NEO1: variants seen among roughly 807,000 people sequenced by gnomAD.
The protein encoded by NEO1 is neogenin.
A neutral mutation model predicts 159.7 loss-of-function variants in NEO1; 63 were observed. That is an observed-to-expected ratio of 0.39 (90% confidence interval 0.32 to 0.49). NEO1 has a LOEUF of 0.49. Among genes scored for constraint, NEO1 ranks in the 20% least tolerant of loss-of-function variants. The pLI is 0.85. For synonymous variants in NEO1, 633 were observed against 662.0 expected, an observed-to-expected ratio of 0.96 and a Z score of 0.67; for missense variants, 1,615 against 1,831.0, an observed-to-expected ratio of 0.88 and a Z score of 2.15.
At chr15:73,110,155 A>G (rs1434133578) in intron 1 of NEO1, among the ~76,000 whole-genome samples, 1 of 152,194 alleles carries the variant, frequency 6.6e-6, no homozygotes, top group Non-Finnish European at 1.5e-5. Context: ...AAGAATCAAG[A>G]TGGATGAAAT....
At position 73,274,772 on chromosome 15, in the gene NEO1, A is replaced by G. The variant is rs182471534; in HGVS notation, c.3193+48A>G. ...TTTTCTTTCCTTTCTTTTGTGACCT[A>G]TTATTAGCTTTTGGTTTTTGTTTCT... On this transcript the variant is annotated intron_variant, in intron 21 of 28. Coordinates refer to ENST00000261908, the MANE Select transcript of NEO1 (RefSeq NM_002499.4). The G allele has an allele frequency of 4.4e-5, 65 of 1,474,378 alleles. 1 individual carries two copies. In the Admixed American group the frequency reaches 1.0e-3, roughly 23 times the overall value. 91.3% of individuals were successfully genotyped at this position (1,474,378 alleles called of 1,614,324 possible).
intron 27 of NEO1, 127 bp downstream of exon 27, chr15:73,298,738 A>G: frequency 1.5e-6 from 2 of 1,331,212 alleles, no homozygotes; most frequent in South Asian, 1.4e-5. Context: ...TATCTTAGCA[A>G]TTCTGTTAGC....
At chr15:73,295,125 A>ATATATATATATATATATATATAT (rs2042306483) in intron 26 of NEO1, among the ~76,000 whole-genome samples, 1 of 100,152 alleles carries the variant, frequency 1.0e-5, no homozygotes, top group Admixed American at 9.7e-5. Context: ...CTAAATATTA[A>ATATATATATATATATATATATAT]ATATATATAT....
chr15:73,195,178 T>C (rs1352167781), intron 7 of NEO1, among the ~76,000 whole-genome samples: 1 of 152,178 alleles, frequency 6.6e-6, no homozygotes, highest in Non-Finnish European at 1.5e-5. Flanking sequence ...AAGAGCAAGC[T>C]TGAATTTGAA....
At chr15:73,136,533 T>C (rs1161893457) in intron 5 of NEO1, among the ~76,000 whole-genome samples, 1 of 152,156 alleles carries the variant, frequency 6.6e-6, no homozygotes, top group East Asian at 1.9e-4. Flanking sequence ...TCCTTTTCTT[T>C]TGGGTGAACA....
chr15:73,226,804 T>C (rs983875815), intron 7 of NEO1, among the ~76,000 whole-genome samples: 4 of 152,220 alleles, frequency 2.6e-5, no homozygotes, highest in African/African-American at 9.6e-5. Context: ...CATGATACTT[T>C]CCTACCTTTC....
At chr15:73,154,698 A>G (rs1056432792) in intron 5 of NEO1, among the ~76,000 whole-genome samples, 1 of 152,166 alleles carries the variant, frequency 6.6e-6, no homozygotes, top group African/African-American at 2.4e-5. Context: ...TCTTGGTGTG[A>G]AATATCTTTT....
intron 15 of NEO1, among the ~76,000 whole-genome samples, chr15:73,262,173 G>T (rs1262786741): frequency 6.6e-6 from 1 of 152,156 alleles, no homozygotes; most frequent in African/African-American, 2.4e-5. Context: ...AGAAGAAAGT[G>T]TAGGAAAAAA....
At chr15:73,168,690 G>A (rs1299688846) in intron 5 of NEO1, among the ~76,000 whole-genome samples, 2 of 152,092 alleles carry the variant, frequency 1.3e-5, no homozygotes, top group East Asian at 1.9e-4. Flanking sequence ...GATGTCACCT[G>A]TTTCTCTTGG....
rs1422774051 is a variant in NEO1 at position 73,272,520 on chromosome 15, G to A, written c.2923G>A (p.Val975Met). 6.2e-7 allele frequency: 1 copy of A among 1,614,016 alleles called. No individual in the cohort carries two copies. The highest frequency in any genetic ancestry group is 8.5e-7 in the Non-Finnish European group (1 of 1,179,916). ...AGAGGGGAAACCTAAGACCATAATT[G>A]TGAATTGGCAGCCTCCCTCCGAAGC... ...SKEGKPKTII[V>M]NWQPPSEANG... is the part of the protein sequence containing the mutation. The change falls in exon 19 of 29, where the codon GTG (valine) becomes ATG (methionine). Residue 975 changes from valine (V) to methionine (M), a missense_variant. Transcript: ENST00000261908.
chr15:73,276,518 C>T (rs1161218885), intron 21 of NEO1, among the ~76,000 whole-genome samples: 2 of 152,136 alleles, frequency 1.3e-5, no homozygotes, highest in Admixed American at 1.3e-4. Flanking sequence ...ATGATGGCAT[C>T]AGAAGTAAGG....
intron 1 of NEO1, among the ~76,000 whole-genome samples, chr15:73,083,641 T>C (rs1027127512): frequency 3.9e-5 from 6 of 152,174 alleles, no homozygotes; most frequent in Non-Finnish European, 5.9e-5. Flanking sequence ...TTTTTGAATA[T>C]GCATTAAATA....
intron 7 of NEO1, among the ~76,000 whole-genome samples, chr15:73,199,756 TTGGTGTC>T (rs2036751348): frequency 6.6e-6 from 1 of 152,184 alleles, no homozygotes; most frequent in Non-Finnish European, 1.5e-5. Context: ...GCCAACAGGT[TTGGTGTC>T]TGGTAAGAGC....
At chr15:73,211,671 C>T (rs1003686372) in intron 7 of NEO1, among the ~76,000 whole-genome samples, 3 of 152,218 alleles carry the variant, frequency 2.0e-5, no homozygotes, top group East Asian at 1.9e-4. Flanking sequence ...GCCGAGATCG[C>T]GCCACTGCAC....
chr15:73,161,459 A>G (rs1231752208), intron 5 of NEO1, among the ~76,000 whole-genome samples: 1 of 152,216 alleles, frequency 6.6e-6, no homozygotes, highest in Non-Finnish European at 1.5e-5. Context: ...AAACAGTGCT[A>G]CTTATTAAAA....
intron 1 of NEO1, among the ~76,000 whole-genome samples, chr15:73,078,021 A>G (rs1198330088): frequency 1.3e-5 from 2 of 152,174 alleles, no homozygotes; most frequent in African/African-American, 2.4e-5. Context: ...GAAGTGGGAA[A>G]GCATTGGTGA....
rs1451641501 is a variant in NEO1 at position 73,302,701 on chromosome 15, C to A, written c.*5C>A. On this transcript the variant is annotated 3_prime_UTR_variant, in exon 29 of 29. Coordinates refer to ENST00000261908, the MANE Select transcript of NEO1 (RefSeq NM_002499.4). Reference sequence around the variant, plus strand: ...AACGCTATCACAACAGCATGACGACCTTCACCAGGACCTGACTTCAAACCT... The same window carrying A: ...AACGCTATCACAACAGCATGACGACATTCACCAGGACCTGACTTCAAACCT... The A allele has an allele frequency of 6.2e-7, 1 of 1,613,224 alleles. No individual in the cohort carries two copies. Among genetic ancestry groups the A allele is most frequent in the African/African-American group, 1.3e-5 (1 of 74,910 alleles).
chr15:73,186,038 C>G (rs774551042), intron 7 of NEO1, among the ~76,000 whole-genome samples: 2 of 151,820 alleles, frequency 1.3e-5, no homozygotes, highest in Admixed American at 1.3e-4. Flanking sequence ...GAAAATATGC[C>G]TGTACACATC....
chr15:73,276,086 T>C (rs2041408903), intron 21 of NEO1, among the ~76,000 whole-genome samples: 1 of 152,196 alleles, frequency 6.6e-6, no homozygotes, highest in African/African-American at 2.4e-5. Flanking sequence ...ATACCCATAA[T>C]ATATATATGC....
Sources: gnomAD v4.1 joint callset for allele counts (sites outside exome capture counted in the v4.1 genomes callset) on GRCh38, gnomAD v4.1.1 for gene constraint, MANE v1.5 for transcripts, NCBI Gene and HGNC (gene_info 2026-07-23, HGNC 2026-07-21) for gene names.